The following PSMB1 variants were observed in gnomAD, a reference collection of about 807,000 sequenced individuals.
PSMB1 encodes proteasome 20S subunit beta 1.
PSMB1 carries 7 observed loss-of-function variants against 25.4 expected under a neutral mutation model. The observed-to-expected ratio is 0.28, with a 90% CI of 0.16 to 0.52. PSMB1 has a LOEUF of 0.52. Among genes scored for constraint, PSMB1 ranks in the 20% least tolerant of loss-of-function variants. PSMB1 has a pLI of 0.97. For synonymous variants in PSMB1, 119 were observed against 115.0 expected, an observed-to-expected ratio of 1.03 and a Z score of -0.22; for missense variants, 284 against 302.2, an observed-to-expected ratio of 0.94 and a Z score of 0.45.
At chr6:170,543,315 C>T (rs949743537) in intron 4 of PSMB1, among the ~76,000 whole-genome samples, 4 of 152,082 alleles carry the variant, frequency 2.6e-5, no homozygotes, top group African/African-American at 7.2e-5. Flanking sequence ...TTTCTAGGTC[C>T]GATTTCTTTC....
chr6:170,545,881 T>A (rs555971959), intron 3 of PSMB1, among the ~76,000 whole-genome samples: 3 of 152,344 alleles, frequency 2.0e-5, no homozygotes, highest in African/African-American at 7.2e-5. Flanking sequence ...ACCCTTCATA[T>A]GATACAAGAC....
intron 5 of PSMB1, chr6:170,536,478 G>A (rs1000048686): frequency 1.3e-5 from 6 of 456,590 alleles, no homozygotes; most frequent in African/African-American, 1.0e-4. Context: ...GACATCACAA[G>A]AAAAAGCTGA....
chr6:170,542,873 A>G (rs771837579), intron 4 of PSMB1, among the ~76,000 whole-genome samples: 5 of 152,022 alleles, frequency 3.3e-5, no homozygotes, highest in Non-Finnish European at 1.5e-5. Context: ...ACTACTCTAA[A>G]TGACACAGAT....
intron 3 of PSMB1, 96 bp downstream of exon 3, chr6:170,546,007 T>G (rs1778812281): frequency 2.0e-6 from 2 of 1,023,224 alleles, no homozygotes; most frequent in Non-Finnish European, 2.9e-6. Context: ...CTAGTGACTC[T>G]CTAGCTATCT....
chr6:170,545,254 T>G (rs73262322), intron 3 of PSMB1, among the ~76,000 whole-genome samples: 3 of 152,160 alleles, frequency 2.0e-5, no homozygotes, highest in Admixed American at 1.3e-4. Context: ...AAGGGGTGTG[T>G]ATTATGTAGA....
chr6:170,546,508 C>G (rs1170159806), intron 2 of PSMB1, among the ~76,000 whole-genome samples: 6 of 152,158 alleles, frequency 3.9e-5, no homozygotes, highest in Non-Finnish European at 8.8e-5. Flanking sequence ...TCTTGTCACC[C>G]AGGCTGGAAT....
chr6:170,542,566 T>C (rs928863704), intron 4 of PSMB1, among the ~76,000 whole-genome samples: 1 of 152,200 alleles, frequency 6.6e-6, no homozygotes, highest in Admixed American at 6.5e-5. Context: ...ACACAGAAAC[T>C]ATCCCTGGCC....
At chr6:170,536,267 T>C (rs1439947541) in intron 5 of PSMB1, 3 of 413,130 alleles carry the variant, frequency 7.3e-6, no homozygotes, top group South Asian at 3.5e-5. Context: ...GTATAAACTA[T>C]ATGTAGATAC....
At chr6:170,547,126 G>A (rs1009301412) in intron 2 of PSMB1, among the ~76,000 whole-genome samples, 2 of 152,180 alleles carry the variant, frequency 1.3e-5, no homozygotes, top group East Asian at 1.9e-4. Flanking sequence ...ATGCTGGTGA[G>A]GTTGTGGAAA....
At chr6:170,536,314 A>G (rs536539741) in intron 5 of PSMB1, 1 of 447,218 alleles carries the variant, frequency 2.2e-6, no homozygotes, top group Non-Finnish European at 4.5e-6. Flanking sequence ...AAATACACAT[A>G]AACTGATTAT....
Position 170,543,637 on chromosome 6 carries a change from A to G in PSMB1, c.397T>C (p.Tyr133His), listed in dbSNP as rs773223299. 6.2e-7 allele frequency: 1 copy of G among 1,611,988 alleles called. No individual in the cohort carries two copies. The highest frequency in any genetic ancestry group is 8.5e-7 in the Non-Finnish European group (1 of 1,178,236). The part of the protein sequence containing the change: ...ILYSRRFFPY[Y>H]VYNIIGGLDE... ...AGTCCACCGATGATGTTGTAAACAT[A>G]GTATGGAAAGAAGCGCCTTGAATAC... Residue 133 changes from tyrosine (Y) to histidine (H), a missense_variant, in exon 4 of 6, where the codon TAT (tyrosine) becomes CAT (histidine). Coordinates refer to ENST00000262193, the MANE Select transcript of PSMB1 (RefSeq NM_002793.4).
intron 5 of PSMB1, chr6:170,536,582 T>G (rs1401352105): frequency 4.6e-6 from 2 of 436,428 alleles, no homozygotes; most frequent in African/African-American, 2.0e-5. Context: ...GATGTAAACT[T>G]ACAGTATCAA....
At chr6:170,538,634 G>T (rs1443637380) in intron 4 of PSMB1, among the ~76,000 whole-genome samples, 1 of 152,174 alleles carries the variant, frequency 6.6e-6, no homozygotes. Flanking sequence ...AGGAGGCGGA[G>T]GTTGTGGTGA....
chr6:170,537,740 G>A (rs540296546), intron 4 of PSMB1, among the ~76,000 whole-genome samples: 1 of 152,306 alleles, frequency 6.6e-6, no homozygotes, highest in African/African-American at 2.4e-5. Flanking sequence ...AAAACAGTTG[G>A]AAGCCATGAG....
At chr6:170,545,926 T>C (rs1389960509) in intron 3 of PSMB1, among the ~76,000 whole-genome samples, 177 bp downstream of exon 3, 3 of 152,246 alleles carry the variant, frequency 2.0e-5, no homozygotes, top group East Asian at 3.8e-4. Context: ...TTTCACATTA[T>C]GCTACTTTAA....
At chr6:170,552,364 T>A (rs1778915411) in intron 1 of PSMB1, among the ~76,000 whole-genome samples, 1 of 152,238 alleles carries the variant, frequency 6.6e-6, no homozygotes, top group Non-Finnish European at 1.5e-5. Context: ...TCTATAACCC[T>A]AAATCTCTGG....
intron 1 of PSMB1, among the ~76,000 whole-genome samples, chr6:170,551,967 T>C (rs970805545): frequency 4.6e-5 from 7 of 152,248 alleles, no homozygotes; most frequent in Admixed American, 4.6e-4. Context: ...AAGTGTCCTT[T>C]AGTGGCAGAA....
chr6:170,545,629 T>C (rs922156507), intron 3 of PSMB1, among the ~76,000 whole-genome samples: 3 of 152,246 alleles, frequency 2.0e-5, no homozygotes, highest in Non-Finnish European at 4.4e-5. Context: ...GTGCATGTTG[T>C]GCCTCCCATC....
intron 3 of PSMB1, among the ~76,000 whole-genome samples, chr6:170,545,802 C>T (rs1295892359): frequency 6.6e-6 from 1 of 152,194 alleles, no homozygotes; most frequent in Non-Finnish European, 1.5e-5. Flanking sequence ...AATTGATTTG[C>T]TTTGTTTTTG....
Sources: gnomAD v4.1 joint callset for allele counts (sites outside exome capture counted in the v4.1 genomes callset) on GRCh38, gnomAD v4.1.1 for gene constraint, MANE v1.5 for transcripts, NCBI Gene and HGNC (gene_info 2026-07-23, HGNC 2026-07-21) for gene names.